Variants in AKAP13 observed in about 807,000 individuals in gnomAD.
AKAP13 encodes A-kinase anchor protein 13.
AKAP13 carries 80 observed loss-of-function variants against 264.5 expected under a neutral mutation model. The observed-to-expected ratio is 0.30, with a 90% confidence interval of 0.25 to 0.36. The LOEUF (loss-of-function observed/expected upper bound fraction) is 0.36, where lower values mean the gene tolerates loss of function less well. AKAP13 is among the 10% of genes least tolerant of loss of function. AKAP13 has a pLI of 1.00. For missense variants in AKAP13, 3,712 were observed against 3,435.2 expected (o/e 1.08, Z -2.01); for synonymous variants, 1,380 against 1,250.2 (o/e 1.10, Z -2.19).
At chr15:85,428,507 ATTT>A (rs2072894796) in intron 1 of AKAP13, among the ~76,000 whole-genome samples, 1 of 152,212 alleles carries the variant, frequency 6.6e-6, no homozygotes, top group East Asian at 1.9e-4. Flanking sequence ...CCTTACCCTT[ATTT>A]AAAGCTGTGA....
intron 9 of AKAP13, among the ~76,000 whole-genome samples, chr15:85,643,434 T>G (rs1292762642): frequency 6.6e-6 from 1 of 152,192 alleles, no homozygotes; most frequent in Non-Finnish European, 1.5e-5. Context: ...CCAGCGCAAA[T>G]AATTCAGTGA....
At chr15:85,408,850 A>T (rs1343848089) in intron 1 of AKAP13, among the ~76,000 whole-genome samples, 1 of 151,740 alleles carries the variant, frequency 6.6e-6, no homozygotes, top group Non-Finnish European at 1.5e-5. Context: ...CCAGAGGTGG[A>T]CTTGCTGGAT....
chr15:85,643,829 G>C (rs766426305), intron 9 of AKAP13, among the ~76,000 whole-genome samples: 3 of 152,308 alleles, frequency 2.0e-5, no homozygotes, highest in African/African-American at 7.2e-5. Context: ...ATGTATCTCA[G>C]ACGGTTTGAC....
At chr15:85,448,037 T>C (rs986205563) in intron 1 of AKAP13, among the ~76,000 whole-genome samples, 5 of 152,186 alleles carry the variant, frequency 3.3e-5, no homozygotes, top group Non-Finnish European at 7.3e-5. Flanking sequence ...CATCTGCTGT[T>C]TTTTTGACTT....
Position 85,722,058 on chromosome 15 carries a change from C to G in AKAP13, c.6320C>G (p.Ser2107Cys). 1 of 1,614,158 alleles carries G rather than the reference C, an allele frequency of 6.2e-7. No homozygotes were observed. Among genetic ancestry groups the G allele is most frequent in the South Asian group, 1.1e-5 (1 of 91,080 alleles). The change falls in exon 24 of 37, where the codon TCT (serine) becomes TGT (cysteine). Residue 2107 changes from serine to cysteine, a missense_variant. Ser to Cys is a moderately radical substitution (Grantham distance 112). Transcript: ENST00000394518. Reference sequence around the variant, plus strand: ...AAGTTTTGTGGGCAACATAACCAGTCTGTAAACTACTTCAAAGACCTTTAT... The same window carrying G: ...AAGTTTTGTGGGCAACATAACCAGTGTGTAAACTACTTCAAAGACCTTTAT... ...YGKFCGQHNQSVNYFKDLYAK... is the reference protein window; with the variant it reads ...YGKFCGQHNQCVNYFKDLYAK...
chr15:85,433,934 C>CT (rs913510823), intron 1 of AKAP13, among the ~76,000 whole-genome samples: 7 of 128,522 alleles, frequency 5.4e-5, no homozygotes, highest in Admixed American at 8.1e-5. Flanking sequence ...GAGCGAGACT[C>CT]TGTCTCAAAA....
chr15:85,729,307 C>CT (rs2087820558), intron 29 of AKAP13, among the ~76,000 whole-genome samples: 1 of 151,468 alleles, frequency 6.6e-6, no homozygotes, highest in African/African-American at 2.4e-5. Flanking sequence ...GAACAAGACT[C>CT]TGTCTCAAAA....
chr15:85,673,018 G>A (rs1019532652), intron 14 of AKAP13, among the ~76,000 whole-genome samples: 6 of 152,112 alleles, frequency 3.9e-5, no homozygotes, highest in Non-Finnish European at 2.9e-5. Context: ...GCTTTTACCT[G>A]TGCTCTTTTT....
chr15:85,463,754 G>A (rs1308185915), intron 1 of AKAP13, among the ~76,000 whole-genome samples: 2 of 152,034 alleles, frequency 1.3e-5, no homozygotes, highest in Admixed American at 1.3e-4. Context: ...ATTGATATCT[G>A]AGTCAGCTGC....
In AKAP13 at chr15:85,583,083, T is replaced by G. The variant is rs2079190927; in HGVS notation, c.4039+976T>G. The G allele has an allele frequency of 1.7e-5, 17 of 985,342 alleles. 1 individual carries two copies. The South Asian group carries it at 6.6e-4, about 38-fold the overall frequency. The allele number at this position is 985,342 out of a possible 1,614,324, so 61.0% of individuals were successfully genotyped here. ...GCTCCTGAAGTCTTTAAAGGTCAGTTTGATGCACACTTCTATACCACCACC... is the reference window on the plus strand; with the variant it reads ...GCTCCTGAAGTCTTTAAAGGTCAGTGTGATGCACACTTCTATACCACCACC... On this transcript the variant is annotated intron_variant, in intron 7 of 36. Coordinates refer to ENST00000394518, the MANE Select transcript of AKAP13 (RefSeq NM_007200.5).
intron 2 of AKAP13, among the ~76,000 whole-genome samples, chr15:85,505,011 A>G (rs541894929): frequency 4.0e-4 from 61 of 152,184 alleles, no homozygotes; most frequent in African/African-American, 1.4e-3. Flanking sequence ...AGCCAGCACC[A>G]TCTGAACAAT....
At chr15:85,394,079 G>A (rs16977800) in intron 1 of AKAP13, among the ~76,000 whole-genome samples, 30,341 of 152,050 alleles carry the variant, frequency 0.2, 3,860 homozygotes, top group African/African-American at 0.34. Context: ...TCTTCAAAGT[G>A]TTTTACAAAC....
intron 1 of AKAP13, among the ~76,000 whole-genome samples, chr15:85,427,518 T>C (rs1031085913): frequency 2.0e-5 from 3 of 152,280 alleles, no homozygotes; most frequent in East Asian, 1.9e-4. Flanking sequence ...TGTGTGTGTG[T>C]GCGCACACAC....
chr15:85,593,287 G>A (rs1204335775), intron 8 of AKAP13, among the ~76,000 whole-genome samples: 3 of 152,048 alleles, frequency 2.0e-5, no homozygotes, highest in Non-Finnish European at 4.4e-5. Context: ...CCTCCAGCCT[G>A]GAAGGCAGAA....
At chr15:85,703,200 C>G (rs16943414) in intron 17 of AKAP13, among the ~76,000 whole-genome samples, 6,416 of 152,084 alleles carry the variant, frequency 0.042, 443 homozygotes, top group African/African-American at 0.15. Context: ...AGTTTTCTGG[C>G]ATTTATAGTT....
intron 1 of AKAP13, among the ~76,000 whole-genome samples, chr15:85,403,084 A>T (rs2071501233): frequency 6.6e-6 from 1 of 152,214 alleles, no homozygotes; most frequent in South Asian, 2.1e-4. Flanking sequence ...ACCATTCCTT[A>T]TCTGTTAGGT....
At chr15:85,478,975 T>C (rs1378108825) in intron 1 of AKAP13, among the ~76,000 whole-genome samples, 1 of 152,236 alleles carries the variant, frequency 6.6e-6, no homozygotes, top group Non-Finnish European at 1.5e-5. Context: ...GATGTTCATG[T>C]GTACTAAGGT....
chr15:85,712,617 C>T (rs1454563839), intron 19 of AKAP13, among the ~76,000 whole-genome samples: 1 of 152,000 alleles, frequency 6.6e-6, no homozygotes, highest in Non-Finnish European at 1.5e-5. Context: ...AATCTCCACT[C>T]ACTGCAACAT....
At chr15:85,477,950 T>C (rs1018763190) in intron 1 of AKAP13, among the ~76,000 whole-genome samples, 1 of 152,174 alleles carries the variant, frequency 6.6e-6, no homozygotes, top group African/African-American at 2.4e-5. Flanking sequence ...TGCTGTCATA[T>C]CTGGCGCGTG....
Sources: allele counts gnomAD v4.1 joint callset (sites outside exome capture counted in the v4.1 genomes callset), GRCh38; gene constraint gnomAD v4.1.1; transcripts MANE v1.5; gene names NCBI Gene and HGNC (gene_info 2026-07-23, HGNC 2026-07-21).